Variants in SORCS2 observed in about 807,000 individuals in gnomAD.
SORCS2 encodes the protein sortilin related VPS10 domain containing receptor 2.
Under a neutral mutation model 141.6 loss-of-function variants are expected in SORCS2, and 100 were observed. The observed-to-expected ratio is 0.71, with a 90% CI of 0.60 to 0.83. SORCS2 has a LOEUF of 0.83. Among genes scored for constraint, SORCS2 ranks in the 40% least tolerant of loss-of-function variants. SORCS2 has a pLI of 0.00. For synonymous variants in SORCS2, 789 were observed against 676.9 expected, an observed-to-expected ratio of 1.17 and a Z score of -2.57; for missense variants, 1,646 against 1,560.2, an observed-to-expected ratio of 1.05 and a Z score of -0.93.
chr4:7,355,606 G>A (rs1049129979), intron 1 of SORCS2, among the ~76,000 whole-genome samples: 2 of 152,178 alleles, frequency 1.3e-5, no homozygotes, highest in Non-Finnish European at 2.9e-5. Flanking sequence ...CCGAGGGAGA[G>A]AGCACGGAGG....
chr4:7,354,137 C>A (rs187081520), intron 1 of SORCS2, among the ~76,000 whole-genome samples: 2 of 152,282 alleles, frequency 1.3e-5, no homozygotes, highest in Non-Finnish European at 2.9e-5. Flanking sequence ...CGGACCCCAC[C>A]CTGTGGCATT....
intron 1 of SORCS2, among the ~76,000 whole-genome samples, chr4:7,386,506 C>G (rs1430523472): frequency 1.2e-5 from 1 of 81,650 alleles, no homozygotes; most frequent in Non-Finnish European, 2.4e-5. Context: ...CACACACATG[C>G]CCACCATACA....
chr4:7,329,700 A>G (rs981082775), intron 1 of SORCS2, among the ~76,000 whole-genome samples: 4 of 152,234 alleles, frequency 2.6e-5, no homozygotes, highest in African/African-American at 9.6e-5. Flanking sequence ...AAATGTACAG[A>G]CAGCCCCCAA....
intron 12 of SORCS2, among the ~76,000 whole-genome samples, chr4:7,699,020 C>G (rs1724887237): frequency 6.6e-6 from 1 of 152,196 alleles, no homozygotes; most frequent in Non-Finnish European, 1.5e-5. Context: ...AGAGAGAACT[C>G]AGAATACGAA....
chr4:7,224,475 G>A (rs962658763), intron 1 of SORCS2, among the ~76,000 whole-genome samples: 8 of 152,322 alleles, frequency 5.3e-5, no homozygotes, highest in African/African-American at 1.9e-4. Flanking sequence ...CTCGCCATCT[G>A]GCCTTTTGCT....
At chr4:7,282,640 C>A (rs1351718683) in intron 1 of SORCS2, among the ~76,000 whole-genome samples, 1 of 152,182 alleles carries the variant, frequency 6.6e-6, no homozygotes, top group East Asian at 1.9e-4. Flanking sequence ...CACAGCTGGT[C>A]TTTGGGTGGT....
chr4:7,635,192 C>T (rs1720161961), intron 3 of SORCS2, among the ~76,000 whole-genome samples: 2 of 152,162 alleles, frequency 1.3e-5, no homozygotes, highest in South Asian at 4.1e-4. Context: ...CTGGGAGGCT[C>T]AGCTAAAATG....
At position 7,356,469 on chromosome 4, in the gene SORCS2, A is replaced by C. The variant is rs115232744; in HGVS notation, c.481-39819A>C. Among the ~76,000 whole-genome samples, 585 of 152,170 alleles carry C rather than the reference A, an allele frequency of 3.8e-3. 4 individuals carry two copies. The highest frequency in any genetic ancestry group is 0.013 in the African/African-American group (545 of 41,472). ...CCATATCCTCACATGGCGTTGGCTCAGTGTGTGAGCATGGAGAGAGATGGA... is the reference window on the plus strand; with the variant it reads ...CCATATCCTCACATGGCGTTGGCTCCGTGTGTGAGCATGGAGAGAGATGGA... On this transcript the variant is annotated intron_variant, in intron 1 of 26. Coordinates refer to ENST00000507866, the MANE Select transcript of SORCS2 (RefSeq NM_020777.3).
chr4:7,599,101 TAAGTC>T (rs1247649107), intron 3 of SORCS2, among the ~76,000 whole-genome samples: 2 of 152,118 alleles, frequency 1.3e-5, no homozygotes, highest in Non-Finnish European at 2.9e-5. Flanking sequence ...CAAGGGCTGT[TAAGTC>T]AAGAGGGAAC....
intron 1 of SORCS2, among the ~76,000 whole-genome samples, chr4:7,326,330 G>A (rs1212968287): frequency 6.6e-6 from 1 of 152,048 alleles, no homozygotes. Context: ...CTGGCATCGG[G>A]TGGCTGCTTG....
intron 1 of SORCS2, among the ~76,000 whole-genome samples, chr4:7,328,574 A>C (rs546380970): frequency 6.6e-6 from 1 of 152,224 alleles, no homozygotes; most frequent in South Asian, 2.1e-4. Flanking sequence ...TCGTTCATTC[A>C]TCCATCCATT....
chr4:7,433,474 C>G lies in SORCS2; in HGVS notation c.548+37119C>G, dbSNP rs768409521. On this transcript the variant is annotated intron_variant, in intron 2 of 26. Transcript: ENST00000507866. The stretch of plus-strand genomic sequence containing the variant: ...CAGCAGTGGGGTCCTGGGGCCGTGG[C>G]AGGCCCCCACCTTCTTGCACACAGC... 3.8e-6 allele frequency: 6 copies of G among 1,574,282 alleles called. No homozygotes were observed. In the South Asian group the frequency reaches 7.2e-5, roughly 19 times the overall value.
chr4:7,344,953 T>G (rs1158142183), intron 1 of SORCS2, among the ~76,000 whole-genome samples: 1 of 151,898 alleles, frequency 6.6e-6, no homozygotes, highest in African/African-American at 2.4e-5. Flanking sequence ...CCAGTCTCAT[T>G]CTCCAGGCCC....
chr4:7,606,381 G>A (rs1288213887), intron 3 of SORCS2, among the ~76,000 whole-genome samples: 2 of 152,182 alleles, frequency 1.3e-5, no homozygotes, highest in Non-Finnish European at 2.9e-5. Context: ...GTGGCCGTCA[G>A]ACTCCAGCGA....
chr4:7,485,811 G>T (rs562829518), intron 2 of SORCS2, among the ~76,000 whole-genome samples: 1 of 152,182 alleles, frequency 6.6e-6, no homozygotes, highest in South Asian at 2.1e-4. Context: ...AGGGAGAGAC[G>T]TGTGGAGGGA....
intron 1 of SORCS2, among the ~76,000 whole-genome samples, chr4:7,359,720 C>T (rs13117981): frequency 0.12 from 17,620 of 152,206 alleles, 1,295 homozygotes; most frequent in East Asian, 0.28. Flanking sequence ...TATTCCATTC[C>T]GTGGCTGTAG....
intron 2 of SORCS2, among the ~76,000 whole-genome samples, chr4:7,400,845 A>AGATG (rs914997280): frequency 2.8e-5 from 4 of 144,130 alleles, no homozygotes; most frequent in African/African-American, 5.2e-5. Flanking sequence ...GTGGATGGGG[A>AGATG]GATGGATGGA....
chr4:7,454,962 A>G (rs1332339675), intron 2 of SORCS2, among the ~76,000 whole-genome samples: 6 of 129,426 alleles, frequency 4.6e-5, no homozygotes, highest in African/African-American at 1.8e-4. Flanking sequence ...TGTTGGGGTC[A>G]GGTGCTGTAT....
intron 2 of SORCS2, among the ~76,000 whole-genome samples, chr4:7,506,503 C>G (rs57659586): frequency 0.28 from 38,013 of 134,562 alleles, 5,167 homozygotes; most frequent in South Asian, 0.44. Context: ...CTCATTCATT[C>G]ATTTGTTCAT....
Sources: gnomAD v4.1 joint callset for allele counts (sites outside exome capture counted in the v4.1 genomes callset) on GRCh38, gnomAD v4.1.1 for gene constraint, MANE v1.5 for transcripts, NCBI Gene and HGNC (gene_info 2026-07-23, HGNC 2026-07-21) for gene names.